Variants in SPIN1 observed in about 807,000 individuals in gnomAD.
SPIN1 encodes the protein spindlin-1.
In SPIN1, 3 loss-of-function variants were observed where a neutral mutation model predicts 26.0. The observed-to-expected ratio is 0.12, with a 90% CI of 0.05 to 0.30. The LOEUF (loss-of-function observed/expected upper bound fraction) is 0.30. SPIN1 is among the 10% of genes least tolerant of loss of function. The pLI is 1.00. For missense variants in SPIN1, 126 were observed against 333.4 expected, an observed-to-expected ratio of 0.38 and a Z score of 4.84; for synonymous variants, 101 against 116.5, an observed-to-expected ratio of 0.87 and a Z score of 0.86.
intron 2 of SPIN1, among the ~76,000 whole-genome samples, chr9:88,443,335 C>G (rs1249494982): frequency 6.6e-6 from 1 of 152,046 alleles, no homozygotes. Context: ...TTAGTCCTGT[C>G]CAGTCTACTA....
chr9:88,421,584 T>A (rs1409941149), intron 1 of SPIN1, among the ~76,000 whole-genome samples: 1 of 152,042 alleles, frequency 6.6e-6, no homozygotes, highest in African/African-American at 2.4e-5. Flanking sequence ...TGGCCTTAAG[T>A]GTCTTTTGTA....
chr9:88,410,320 G>C (rs1468056522), intron 1 of SPIN1, among the ~76,000 whole-genome samples: 1 of 151,948 alleles, frequency 6.6e-6, no homozygotes, highest in Non-Finnish European at 1.5e-5. Flanking sequence ...CAAAAGAACA[G>C]AAACTAAAAT....
intron 2 of SPIN1, 125 bp downstream of exon 2, chr9:88,426,716 A>G: frequency 2.8e-6 from 2 of 716,434 alleles, no homozygotes; most frequent in Non-Finnish European, 2.3e-6. Context: ...AGTATGTTAT[A>G]CACATATGCA....
At chr9:88,474,193 C>CA (rs1235731112) in intron 5 of SPIN1, among the ~76,000 whole-genome samples, 1 of 152,230 alleles carries the variant, frequency 6.6e-6, no homozygotes, top group East Asian at 1.9e-4. Flanking sequence ...ACCTGAAGGC[C>CA]ACCTGCTACT....
chr9:88,424,134 G>A (rs184456135), intron 1 of SPIN1, among the ~76,000 whole-genome samples: 1 of 152,188 alleles, frequency 6.6e-6, no homozygotes, highest in East Asian at 1.9e-4. Flanking sequence ...AAAAAGTATG[G>A]GATTGATTAG....
intron 2 of SPIN1, 144 bp from the exon 3 acceptor site, chr9:88,448,797 A>G (rs761692462): frequency 4.8e-6 from 3 of 629,134 alleles, no homozygotes; most frequent in South Asian, 4.5e-5. Context: ...TCAGTAAACA[A>G]ATGGCTTTCT....
chr9:88,428,373 T>C (rs1309121403), intron 2 of SPIN1, among the ~76,000 whole-genome samples: 1 of 152,192 alleles, frequency 6.6e-6, no homozygotes, highest in Non-Finnish European at 1.5e-5. Context: ...ATAGTTTCCA[T>C]ATTTATGTCC....
At chr9:88,406,005 CTGTG>C (rs745317937) in intron 1 of SPIN1, among the ~76,000 whole-genome samples, 13,692 of 103,176 alleles carry the variant, frequency 0.13, 1,412 homozygotes, top group East Asian at 0.62. Flanking sequence ...GCTTGTGTGT[CTGTG>C]TGTGTGTGTG....
chr9:88,474,657 C>T (rs1828853283), intron 5 of SPIN1, among the ~76,000 whole-genome samples: 1 of 152,156 alleles, frequency 6.6e-6, no homozygotes, highest in Non-Finnish European at 1.5e-5. Flanking sequence ...ATTTCAAAGC[C>T]ACTCAAACTT....
chr9:88,416,037 T>C (rs1242728313), intron 1 of SPIN1, among the ~76,000 whole-genome samples: 1 of 151,976 alleles, frequency 6.6e-6, no homozygotes, highest in South Asian at 2.1e-4. Flanking sequence ...ATTACAGGCA[T>C]GAGCCACCAC....
chr9:88,462,438 G>A lies in SPIN1; in HGVS notation c.102-58G>A. On this transcript the variant is annotated intron_variant, in intron 3 of 5. Transcript: ENST00000375859. ...ATCATGCTAGCCAGCGGTTATGTTA[G>A]ATCTAGGCATGCATACTTTTGAGAT... The A allele has an allele frequency of 1.9e-6, 3 of 1,575,254 alleles. No homozygotes were observed. In the South Asian group the frequency reaches 3.6e-5, roughly 19 times the overall value.
intron 1 of SPIN1, among the ~76,000 whole-genome samples, chr9:88,408,899 TGA>T (rs1827370963): frequency 6.6e-6 from 1 of 151,822 alleles, no homozygotes; most frequent in African/African-American, 2.4e-5. Flanking sequence ...CTCGACCTCG[TGA>T]TCCGCCCGCC....
chr9:88,389,133 G>A (rs931903843), intron 1 of SPIN1, among the ~76,000 whole-genome samples: 2 of 152,128 alleles, frequency 1.3e-5, no homozygotes, highest in Admixed American at 6.5e-5. Context: ...CAGGCTCCGC[G>A]GTTCGCGGCG....
intron 2 of SPIN1, among the ~76,000 whole-genome samples, chr9:88,444,730 G>A (rs1468407123): frequency 2.7e-4 from 36 of 132,528 alleles, no homozygotes; most frequent in Middle Eastern, 4.9e-3. Context: ...TTGCTCTGTC[G>A]CCCAGGCTGG....
chr9:88,453,837 C>T (rs913646937), intron 3 of SPIN1, among the ~76,000 whole-genome samples: 14 of 152,108 alleles, frequency 9.2e-5, no homozygotes, highest in African/African-American at 3.4e-4. Flanking sequence ...ATCTTAAGCA[C>T]ATCGGAGAAC....
chr9:88,430,341 A>G (rs1392756681), intron 2 of SPIN1, among the ~76,000 whole-genome samples: 1 of 152,228 alleles, frequency 6.6e-6, no homozygotes, highest in Non-Finnish European at 1.5e-5. Flanking sequence ...GCTTCCAGAT[A>G]GTATCCCTAA....
At chr9:88,438,152 A>C (rs1368215245) in intron 2 of SPIN1, among the ~76,000 whole-genome samples, 1 of 142,460 alleles carries the variant, frequency 7.0e-6, no homozygotes, top group Non-Finnish European at 1.5e-5. Flanking sequence ...CCCTGTCTCA[A>C]AAAAAAAAAA....
intron 2 of SPIN1, among the ~76,000 whole-genome samples, chr9:88,443,130 A>AAG (rs1828173282): frequency 2.0e-5 from 3 of 151,766 alleles, no homozygotes; most frequent in African/African-American, 7.3e-5. Context: ...AAAAAAAAAA[A>AAG]AAAACAAAAA....
chr9:88,441,260 C>T (rs1828117735), intron 2 of SPIN1, among the ~76,000 whole-genome samples: 1 of 151,654 alleles, frequency 6.6e-6, no homozygotes, highest in African/African-American at 2.4e-5. Context: ...AAATACTACA[C>T]CATTTTATAT....
Sources: gnomAD v4.1 joint callset for allele counts (sites outside exome capture counted in the v4.1 genomes callset) on GRCh38, gnomAD v4.1.1 for gene constraint, MANE v1.5 for transcripts, NCBI Gene and HGNC (gene_info 2026-07-23, HGNC 2026-07-21) for gene names.